USH2A: variants seen among roughly 807,000 people sequenced by gnomAD.
The protein encoded by USH2A is Usher syndrome 2A (autosomal recessive, mild).
In USH2A, 443 loss-of-function variants were observed where a neutral mutation model predicts 538.9. The observed-to-expected ratio is 0.82, with a 90% CI of 0.76 to 0.89. USH2A has a LOEUF of 0.89. Among genes scored for constraint, USH2A ranks in the 40% least tolerant of loss-of-function variants. USH2A has a pLI of 0.00. For missense variants in USH2A, 6,633 were observed against 6,324.8 expected (o/e 1.05, Z -1.65); for synonymous variants, 2,413 against 2,273.5 (o/e 1.06, Z -1.75).
chr1:215,976,763 T>G (rs1031651909), intron 35 of USH2A, among the ~76,000 whole-genome samples: 1 of 152,206 alleles, frequency 6.6e-6, no homozygotes, highest in African/African-American at 2.4e-5. Flanking sequence ...GCTAGTATTT[T>G]GTTGAGGACT....
At chr1:215,740,268 G>A (rs1444030053) in intron 60 of USH2A, among the ~76,000 whole-genome samples, 1 of 151,664 alleles carries the variant, frequency 6.6e-6, no homozygotes, top group African/African-American at 2.4e-5. Flanking sequence ...TTAATTTAAA[G>A]CAATGTTCAT....
intron 32 of USH2A, among the ~76,000 whole-genome samples, chr1:216,009,190 G>T (rs1668482139): frequency 6.6e-6 from 1 of 151,818 alleles, no homozygotes; most frequent in Admixed American, 6.6e-5. Flanking sequence ...TGGAGGGTAA[G>T]AACCCCTGAA....
At chr1:216,338,677 T>C (rs2102675220) in intron 4 of USH2A, among the ~76,000 whole-genome samples, 1 of 151,658 alleles carries the variant, frequency 6.6e-6, no homozygotes, top group African/African-American at 2.4e-5. Context: ...AAAATGCAGA[T>C]TATAAGTGTA....
At chr1:215,667,942 G>A (rs1470400377) in intron 64 of USH2A, among the ~76,000 whole-genome samples, 1 of 152,152 alleles carries the variant, frequency 6.6e-6, no homozygotes, top group Non-Finnish European at 1.5e-5. Context: ...AGGTGGTGGG[G>A]AGCCCCAGCT....
Position 216,253,768 on chromosome 1 carries a change from G to A in USH2A, c.1972-2670C>T, listed in dbSNP as rs181598921. Reference sequence around the variant, plus strand: ...CAAAACAAACAAACAAATTGTAGTCGTTAAACCTTATTAAAGATTCGGGGT... The same window carrying A: ...CAAAACAAACAAACAAATTGTAGTCATTAAACCTTATTAAAGATTCGGGGT... On this transcript the variant is annotated intron_variant, in intron 11 of 71. Transcript: ENST00000307340. Among the ~76,000 whole-genome samples, 181 of 152,262 alleles carry A rather than the reference G, an allele frequency of 1.2e-3. 1 individual carries two copies. Among genetic ancestry groups the A allele is most frequent in the African/African-American group, 4.1e-3 (171 of 41,548 alleles).
At chr1:215,859,038 G>A (rs548447292) in intron 44 of USH2A, among the ~76,000 whole-genome samples, 2 of 152,022 alleles carry the variant, frequency 1.3e-5, no homozygotes, top group Admixed American at 6.6e-5. Flanking sequence ...CTCTGTGATC[G>A]GAGAAAGGGA....
chr1:216,056,542 C>T (rs1484684770), intron 30 of USH2A, among the ~76,000 whole-genome samples: 1 of 152,032 alleles, frequency 6.6e-6, no homozygotes, highest in African/African-American at 2.4e-5. Context: ...AGCTCCAGTT[C>T]CACAAACAAG....
chr1:216,195,147 T>C (rs897987119), intron 19 of USH2A, among the ~76,000 whole-genome samples: 1 of 152,114 alleles, frequency 6.6e-6, no homozygotes, highest in African/African-American at 2.4e-5. Context: ...GCTACTTTTT[T>C]ATAATCTTGG....
chr1:216,135,166 T>TCACACACA (rs1428367157), intron 21 of USH2A, among the ~76,000 whole-genome samples: 7 of 90,302 alleles, frequency 7.8e-5, no homozygotes, highest in African/African-American at 4.0e-4. Context: ...TCTCTCTCTC[T>TCACACACA]CACACACACA....
intron 26 of USH2A, among the ~76,000 whole-genome samples, chr1:216,080,309 G>T (rs1240544148): frequency 2.4e-4 from 36 of 152,130 alleles, no homozygotes; most frequent in African/African-American, 8.4e-4. Context: ...CCTTAAAGAA[G>T]CTAAGAGAAC....
At chr1:216,400,598 A>T (rs1411320054) in intron 3 of USH2A, among the ~76,000 whole-genome samples, 1 of 152,164 alleles carries the variant, frequency 6.6e-6, no homozygotes, top group East Asian at 1.9e-4. Flanking sequence ...CAAATCTCAT[A>T]CAATAGGATA....
chr1:216,075,019 T>A (rs1044577448), intron 27 of USH2A, among the ~76,000 whole-genome samples: 3 of 152,194 alleles, frequency 2.0e-5, no homozygotes, highest in African/African-American at 7.2e-5. Context: ...ATGTTACATA[T>A]ATTTTACCAT....
At chr1:215,813,396 G>T (rs1662758383) in intron 49 of USH2A, among the ~76,000 whole-genome samples, 1 of 152,118 alleles carries the variant, frequency 6.6e-6, no homozygotes, top group South Asian at 2.1e-4. Context: ...GCTTCATGGG[G>T]TGGAACAGTC....
At chr1:215,684,500 G>C (rs1390018408) in intron 61 of USH2A, among the ~76,000 whole-genome samples, 1 of 152,190 alleles carries the variant, frequency 6.6e-6, no homozygotes, top group Non-Finnish European at 1.5e-5. Flanking sequence ...CTATTGATCT[G>C]ATGATCCAGC....
At chr1:215,985,381 A>G in intron 35 of USH2A, among the ~76,000 whole-genome samples, 1 of 152,324 alleles carries the variant, frequency 6.6e-6, no homozygotes, top group Non-Finnish European at 1.5e-5. Flanking sequence ...AAGCCTTTCT[A>G]CAAAAAGTAG....
At chr1:216,272,307 G>A (rs924124993) in intron 11 of USH2A, among the ~76,000 whole-genome samples, 2 of 152,158 alleles carry the variant, frequency 1.3e-5, no homozygotes, top group Non-Finnish European at 1.5e-5. Flanking sequence ...TTTATAAAAT[G>A]TGCAACGACA....
intron 34 of USH2A, among the ~76,000 whole-genome samples, chr1:215,996,406 A>T (rs1571874985): frequency 6.6e-6 from 1 of 152,180 alleles, no homozygotes; most frequent in Non-Finnish European, 1.5e-5. Flanking sequence ...AATGGCTAGC[A>T]GTGGTATGAA....
intron 11 of USH2A, among the ~76,000 whole-genome samples, chr1:216,269,812 G>A (rs1334078083): frequency 6.6e-6 from 1 of 152,126 alleles, no homozygotes; most frequent in Non-Finnish European, 1.5e-5. Context: ...TGGAGCAATG[G>A]TGGATATGCA....
At chr1:216,022,145 T>A (rs1668858534) in intron 32 of USH2A, among the ~76,000 whole-genome samples, 1 of 152,174 alleles carries the variant, frequency 6.6e-6, no homozygotes, top group African/African-American at 2.4e-5. Context: ...CCATGCTTCC[T>A]GTACAGCCTC....
Sources: allele counts gnomAD v4.1 joint callset (sites outside exome capture counted in the v4.1 genomes callset), GRCh38; gene constraint gnomAD v4.1.1; transcripts MANE v1.5; gene names NCBI Gene and HGNC (gene_info 2026-07-23, HGNC 2026-07-21).